The following CCDC13 variants were observed in gnomAD, a reference collection of about 807,000 sequenced individuals.
The protein encoded by CCDC13 is coiled-coil domain containing 13, also known as coiled-coil domain-containing protein 13.
In CCDC13, 70 loss-of-function variants were observed where a neutral mutation model predicts 87.3. That is an observed-to-expected ratio of 0.80 (90% CI 0.66 to 0.98). CCDC13 has a LOEUF of 0.98. CCDC13 is among the 50% of genes least tolerant of loss of function. The pLI, the probability that CCDC13 is intolerant of heterozygous loss-of-function variation, is 0.00. For missense variants in CCDC13, 842 were observed against 892.0 expected, an observed-to-expected ratio of 0.94 and a Z score of 0.71; for synonymous variants, 317 against 360.3, an observed-to-expected ratio of 0.88 and a Z score of 1.36.
At position 42,742,979 on chromosome 3, in the gene CCDC13, GA is replaced by G; in HGVS notation, c.903del (p.Pro302GlnfsTer14). On this transcript the variant is annotated frameshift_variant, in exon 8 of 16. Coordinates refer to ENST00000310232, the MANE Select transcript of CCDC13 (RefSeq NM_144719.4). LOFTEE classifies it high-confidence loss of function. ...AGTASDELSV[Y>X]PDPRKLSAQE... ...TGTGCCGACAGCTTCCTTGGGTCTG[GA>G]TAGACAGACAACTCATCACTGGCTG... is the stretch of plus-strand genomic sequence containing the variant. 1 of 1,614,176 alleles carries G rather than the reference GA, an allele frequency of 6.2e-7. No individual in the cohort carries two copies.
intron 1 of CCDC13, among the ~76,000 whole-genome samples, chr3:42,769,554 G>A (rs1700009668): frequency 6.8e-6 from 1 of 146,814 alleles, no homozygotes; most frequent in African/African-American, 2.8e-5. Flanking sequence ...CATGCTGGCA[G>A]CCCTCGCAGC....
At chr3:42,742,307 G>A (rs988909356) in intron 8 of CCDC13, among the ~76,000 whole-genome samples, 24 of 152,200 alleles carry the variant, frequency 1.6e-4, no homozygotes, top group African/African-American at 5.8e-4. Flanking sequence ...CATTGGAGGA[G>A]AGAAGCTGGG....
At chr3:42,709,895 C>T in intron 14 of CCDC13, 97 bp from the exon 15 acceptor site, 1 of 922,346 alleles carries the variant, frequency 1.1e-6, no homozygotes, top group Non-Finnish European at 1.8e-6. Context: ...TGCTCTTCCA[C>T]ATGGTGAAAC....
rs751415305 is a variant in CCDC13 at position 42,758,146 on chromosome 3, G to A, written c.200C>T (p.Ser67Leu). The change falls in exon 2 of 16, where the codon TCG (serine) becomes TTG (leucine). Residue 67 changes from serine (S) to leucine (L), a missense_variant. Transcript: ENST00000310232. ...LSLLHAGEPN[S>L]KNSFEKRVLE... ...TTACCTCTTCTCAAAGCTATTTTTC[G>A]AGTTTGGCTCCCCTGCGTGGAGAAG... 8.7e-6 allele frequency: 14 copies of A among 1,613,254 alleles called. No homozygotes were observed. Among genetic ancestry groups the A allele is most frequent in the Non-Finnish European group, 1.2e-5 (14 of 1,179,864 alleles).
At chr3:42,745,835 C>T (rs2125899070) in intron 7 of CCDC13, 88 bp downstream of exon 7, 3 of 1,032,218 alleles carry the variant, frequency 2.9e-6, no homozygotes, top group South Asian at 2.8e-5. Flanking sequence ...GTACTGTGTG[C>T]TTAGGTCTCT....
intron 14 of CCDC13, among the ~76,000 whole-genome samples, chr3:42,711,115 G>A (rs548577962): frequency 1.1e-3 from 172 of 152,066 alleles, no homozygotes; most frequent in African/African-American, 3.8e-3. Context: ...GTGTGGTGGC[G>A]AACCCCTGTA....
chr3:42,711,527 G>C (rs1698314418), intron 14 of CCDC13, among the ~76,000 whole-genome samples: 1 of 152,324 alleles, frequency 6.6e-6, no homozygotes, highest in East Asian at 1.9e-4. Flanking sequence ...TCAAGGCCCT[G>C]TGTGATTGGA....
intron 1 of CCDC13, among the ~76,000 whole-genome samples, chr3:42,767,205 T>C (rs1468733784): frequency 6.6e-6 from 1 of 151,664 alleles, no homozygotes; most frequent in Non-Finnish European, 1.5e-5. Flanking sequence ...CTGGAACTTA[T>C]AAGTGATTGC....
chr3:42,737,194 G>C (rs1699054122), intron 9 of CCDC13, among the ~76,000 whole-genome samples: 1 of 151,994 alleles, frequency 6.6e-6, no homozygotes, highest in African/African-American at 2.4e-5. Context: ...ATAGTTTGCT[G>C]AGAATGATGG....
intron 12 of CCDC13, among the ~76,000 whole-genome samples, chr3:42,731,859 G>A (rs1337453438): frequency 4.6e-5 from 7 of 152,172 alleles, no homozygotes; most frequent in African/African-American, 1.2e-4. Context: ...ACACATGGTC[G>A]AGTTTAGTAA....
intron 13 of CCDC13, among the ~76,000 whole-genome samples, chr3:42,726,430 A>C (rs1272838638): frequency 6.6e-6 from 1 of 152,206 alleles, no homozygotes; most frequent in African/African-American, 2.4e-5. Flanking sequence ...GTGATCTAGA[A>C]AGCTGATTTG....
At chr3:42,734,055 T>C (rs1698918387) in intron 10 of CCDC13, among the ~76,000 whole-genome samples, 1 of 152,114 alleles carries the variant, frequency 6.6e-6, no homozygotes, top group African/African-American at 2.4e-5. Flanking sequence ...AGGGACTCAG[T>C]GAGGGCAGGC....
intron 13 of CCDC13, among the ~76,000 whole-genome samples, chr3:42,718,794 C>CTGAG (rs1424481772): frequency 6.6e-6 from 1 of 151,880 alleles, no homozygotes; most frequent in East Asian, 1.9e-4. Context: ...AGGGATGATA[C>CTGAG]TGAGGAGAAC....
Position 42,757,095 on chromosome 3 carries a change from T to C in CCDC13, c.341A>G (p.Lys114Arg). Residue 114 changes from lysine to arginine, a missense_variant, in exon 3 of 16, where the codon AAA (lysine) becomes AGA (arginine). Coordinates refer to ENST00000310232, the MANE Select transcript of CCDC13 (RefSeq NM_144719.4). ...RDFEIKHLKK[K>R]IEEDRFAFTG... ...GAAGGCAAATCTGTCCTCTTCTATT[T>C]TCTTTTTGAGGTGTTTGATTTCAAA... is the stretch of plus-strand genomic sequence containing the variant. The C allele has an allele frequency of 1.9e-6, 3 of 1,614,210 alleles. No homozygotes were observed. The South Asian group carries it at 3.3e-5, about 18-fold the overall frequency.
chr3:42,731,501 A>T (rs1029438092), intron 12 of CCDC13, among the ~76,000 whole-genome samples: 10 of 152,070 alleles, frequency 6.6e-5, no homozygotes, highest in African/African-American at 2.4e-4. Context: ...TGGCTCTGGC[A>T]TCTCCTAGCA....
Position 42,733,470 on chromosome 3 carries a change from C to G in CCDC13, c.1511G>C (p.Arg504Pro), listed in dbSNP as rs542889478. The G allele has an allele frequency of 3.1e-6, 5 of 1,613,960 alleles. No homozygotes were observed. In the African/African-American group the frequency reaches 4.0e-5, roughly 13 times the overall value. ...CCCCTCCCTCCCATTGTTTTCTTAC[C>G]GAGAAGATCCAAGCCTGCCAACATG... The part of the protein sequence containing the change: ...GDHVGRLGSS[R>P]SVTSLGHTLV... Residue 504 changes from arginine (R) to proline (P), a missense_variant and splice_region_variant, in exon 11 of 16, where the codon CGC becomes CCC. Physicochemically the swap from Arg to Pro is moderately radical, Grantham distance 103. Transcript: ENST00000310232.
At chr3:42,717,834 C>T (rs1043194962) in intron 13 of CCDC13, 2 of 152,114 alleles carry the variant, frequency 1.3e-5, no homozygotes, top group African/African-American at 4.8e-5. Flanking sequence ...GAAGTTAGTC[C>T]CCTGTAGTTC....
chr3:42,742,775 G>A, intron 8 of CCDC13, 121 bp downstream of exon 8: 1 of 1,260,972 alleles, frequency 7.9e-7, no homozygotes, highest in Non-Finnish European at 1.1e-6. Context: ...AGGTCCCCAG[G>A]TGTCTCCTGC....
intron 1 of CCDC13, among the ~76,000 whole-genome samples, chr3:42,769,211 A>G (rs1220834488): frequency 1.3e-5 from 2 of 152,260 alleles, no homozygotes; most frequent in Admixed American, 1.3e-4. Flanking sequence ...TATGGATGGC[A>G]AATAGACATA....
Sources: allele counts gnomAD v4.1 joint callset (sites outside exome capture counted in the v4.1 genomes callset), GRCh38; gene constraint gnomAD v4.1.1; transcripts MANE v1.5; gene names NCBI Gene and HGNC (gene_info 2026-07-23, HGNC 2026-07-21).